PRKAR1A: variants seen among roughly 807,000 people sequenced by gnomAD.
PRKAR1A encodes protein kinase cAMP-dependent type I regulatory subunit alpha, also known as cAMP-dependent protein kinase type I-alpha regulatory subunit.
In PRKAR1A, 3 loss-of-function variants were observed where a neutral mutation model predicts 52.0. That is an observed-to-expected ratio of 0.06 (90% CI 0.03 to 0.15). PRKAR1A has a LOEUF of 0.15. PRKAR1A is among the 10% of genes least tolerant of loss of function. PRKAR1A has a pLI of 1.00. For missense variants in PRKAR1A, 240 were observed against 477.4 expected, an observed-to-expected ratio of 0.50 and a Z score of 4.63; for synonymous variants, 188 against 168.4, an observed-to-expected ratio of 1.12 and a Z score of -0.90.
intron 6 of PRKAR1A, 114 bp from the exon 7 acceptor site, chr17:68,525,638 TTC>T: frequency 1.8e-6 from 2 of 1,135,880 alleles, no homozygotes; most frequent in Non-Finnish European, 2.6e-6. Context: ...ACATAATATA[TTC>T]TGTTTTTTAA....
At chr17:68,521,456 C>T (rs11868251) in intron 2 of PRKAR1A, among the ~76,000 whole-genome samples, 1 of 152,190 alleles carries the variant, frequency 6.6e-6, no homozygotes, top group East Asian at 1.9e-4. Context: ...GTCTCGAACT[C>T]CTGGACTCAA....
At chr17:68,523,015 C>G in intron 3 of PRKAR1A, 89 bp downstream of exon 3, 1 of 1,503,980 alleles carries the variant, frequency 6.6e-7, no homozygotes, top group Non-Finnish European at 9.1e-7. Context: ...TCATAAAATA[C>G]AAAACAGGGT....
intron 11 of PRKAR1A, among the ~76,000 whole-genome samples, chr17:68,540,213 C>T (rs1248263965): frequency 2.0e-5 from 3 of 152,202 alleles, no homozygotes; most frequent in Admixed American, 6.5e-5. Flanking sequence ...CTGCCCCTGC[C>T]CCTACTCCAG....
At chr17:68,436,598 C>G in the PRKAR1A span, 1 of 864,410 alleles carries the variant, frequency 1.2e-6, no homozygotes, top group Non-Finnish European at 1.8e-6. Flanking sequence ...GGAGGAATGG[C>G]TTTGCAGACA....
At chr17:68,438,724 C>A in the PRKAR1A span, among the ~76,000 whole-genome samples, 1 of 152,192 alleles carries the variant, frequency 6.6e-6, no homozygotes, top group Admixed American at 6.5e-5. Context: ...TCTCAGCCTG[C>A]CAAGTAGCTG....
chr17:68,517,920 C>T (rs562226736), intron 2 of PRKAR1A, among the ~76,000 whole-genome samples: 28 of 152,304 alleles, frequency 1.8e-4, no homozygotes, highest in African/African-American at 6.7e-4. Flanking sequence ...GTAGATAACA[C>T]CCATTCCAAA....
chr17:68,418,780 G>C, the PRKAR1A span, among the ~76,000 whole-genome samples: 2 of 152,116 alleles, frequency 1.3e-5, no homozygotes, highest in East Asian at 1.9e-4. Flanking sequence ...TGTAGGAGAA[G>C]GAGCCACTGG....
the PRKAR1A span, among the ~76,000 whole-genome samples, chr17:68,473,671 C>G: frequency 1.2e-4 from 19 of 152,172 alleles, no homozygotes; most frequent in African/African-American, 4.1e-4. Flanking sequence ...TACAGGCGTG[C>G]GCCACCATGC....
At chr17:68,530,058 A>G (rs2143385752) in intron 10 of PRKAR1A, 57 bp downstream of exon 10, 1 of 1,563,510 alleles carries the variant, frequency 6.4e-7, no homozygotes, top group Non-Finnish European at 8.8e-7. Context: ...CCTCTCAGTG[A>G]GATATTGTAG....
chr17:68,480,517 A>T, the PRKAR1A span, among the ~76,000 whole-genome samples: 17 of 152,072 alleles, frequency 1.1e-4, 1 homozygote. Flanking sequence ...TTCTCAGGGG[A>T]AAACTATTTT....
the PRKAR1A span, chr17:68,421,615 T>C: frequency 2.0e-5 from 19 of 969,692 alleles, no homozygotes; most frequent in African/African-American, 2.9e-4. Flanking sequence ...GGAAGCTTGG[T>C]GAGGAGTTAA....
chr17:68,489,220 A>ATGGAAAG, the PRKAR1A span, among the ~76,000 whole-genome samples: 1 of 57,188 alleles, frequency 1.7e-5, no homozygotes, highest in Non-Finnish European at 2.9e-5. Context: ...ATATATATAT[A>ATGGAAAG]TATATATATG....
At chr17:68,490,371 G>A in the PRKAR1A span, among the ~76,000 whole-genome samples, 1 of 152,218 alleles carries the variant, frequency 6.6e-6, no homozygotes, top group Non-Finnish European at 1.5e-5. Context: ...GGGCAACATG[G>A]AGAGTGCTGG....
At chr17:68,462,279 C>A in the PRKAR1A span, among the ~76,000 whole-genome samples, 2 of 152,114 alleles carry the variant, frequency 1.3e-5, no homozygotes, top group African/African-American at 4.8e-5. Context: ...GGCTGATGAT[C>A]ACGAAGACAG....
At chr17:68,519,815 C>T (rs573339755) in intron 2 of PRKAR1A, among the ~76,000 whole-genome samples, 5 of 152,312 alleles carry the variant, frequency 3.3e-5, no homozygotes, top group African/African-American at 4.8e-5. Flanking sequence ...CTTGTGTCTG[C>T]TGTGTCAGGT....
the PRKAR1A span, among the ~76,000 whole-genome samples, chr17:68,496,586 G>A: frequency 1.3e-5 from 2 of 152,092 alleles, no homozygotes; most frequent in Non-Finnish European, 2.9e-5. Flanking sequence ...TGGGCAGTAG[G>A]ACGTGGACGT....
At chr17:68,493,473 T>C in the PRKAR1A span, among the ~76,000 whole-genome samples, 2 of 152,132 alleles carry the variant, frequency 1.3e-5, no homozygotes, top group Non-Finnish European at 2.9e-5. Context: ...CCCGCACGTG[T>C]TCTTACTTTT....
chr17:68,515,884 T>A (rs2085416895), intron 2 of PRKAR1A: 1 of 324,210 alleles, frequency 3.1e-6, no homozygotes, highest in Non-Finnish European at 5.8e-6. Flanking sequence ...TCAGAACTAG[T>A]ATAGCAGTTC....
the PRKAR1A span, chr17:68,429,007 G>GC: frequency 7.6e-6 from 9 of 1,177,452 alleles, 1 homozygote; most frequent in South Asian, 9.0e-5. Flanking sequence ...CAATGACAAA[G>GC]CCCCCCTCAC....
Sources: allele counts gnomAD v4.1 joint callset (sites outside exome capture counted in the v4.1 genomes callset), GRCh38; gene constraint gnomAD v4.1.1; transcripts MANE v1.5; gene names NCBI Gene and HGNC (gene_info 2026-07-23, HGNC 2026-07-21).